Variants in SLC22A16 observed in about 807,000 individuals in gnomAD.
The protein encoded by SLC22A16 is solute carrier family 22 member 16.
Under a neutral mutation model 52.9 loss-of-function variants are expected in SLC22A16, and 53 were observed. The ratio of observed to expected loss-of-function variants is 1.00; its 90% CI spans 0.80 to 1.26. The LOEUF (loss-of-function observed/expected upper bound fraction) is 1.26, where lower values mean the gene tolerates loss of function less well. Ranked by LOEUF, SLC22A16 falls within the 50% of genes most tolerant of loss-of-function variation. The pLI, the probability that SLC22A16 is intolerant of heterozygous loss-of-function variation, is 0.00. For missense variants in SLC22A16, 726 were observed against 704.0 expected, an observed-to-expected ratio of 1.03 and a Z score of -0.35; for synonymous variants, 291 against 268.8, an observed-to-expected ratio of 1.08 and a Z score of -0.81.
chr6:110,426,340 G>A (rs1202236883), intron 7 of SLC22A16, among the ~76,000 whole-genome samples: 1 of 152,092 alleles, frequency 6.6e-6, no homozygotes, highest in Non-Finnish European at 1.5e-5. Flanking sequence ...GAACAGAATG[G>A]AATTTTTCTT....
chr6:110,457,076 G>A, intron 1 of SLC22A16, 59 bp from the exon 2 acceptor site: 1 of 1,476,784 alleles, frequency 6.8e-7, no homozygotes, highest in South Asian at 1.5e-5. Context: ...AAGAACATAA[G>A]CAAATTTGAA....
In SLC22A16 at chr6:110,446,982, C is replaced by T. The variant is rs760117180; in HGVS notation, c.542G>A (p.Arg181His). Residue 181 changes from arginine to histidine, a missense_variant, in exon 3 of 8, where the codon CGC (arginine) becomes CAC (histidine). By Grantham distance (29) the Arg-to-His change is conservative (BLOSUM62 0). Coordinates refer to ENST00000368919, the MANE Select transcript of SLC22A16 (RefSeq NM_033125.4). ...GCTTGTGGCCCACAAGACCACCCGG[C>T]GTCCTAGCCTGAAAAATAAGAGTCA... ...TFGYFSDRLGRRVVLWATSSS... is the reference protein window; with the variant it reads ...TFGYFSDRLGHRVVLWATSSS... The T allele has an allele frequency of 1.7e-5, 27 of 1,611,914 alleles. No homozygotes were observed. In the East Asian group the frequency reaches 1.8e-4, roughly 11 times the overall value.
intron 1 of SLC22A16, among the ~76,000 whole-genome samples, chr6:110,466,705 A>G (rs1776074814): frequency 6.6e-6 from 1 of 152,174 alleles, no homozygotes; most frequent in African/African-American, 2.4e-5. Flanking sequence ...CCCCTATGGA[A>G]AACATTATCA....
At position 110,425,031 on chromosome 6, in the gene SLC22A16, C is replaced by G. The variant is rs764713995; in HGVS notation, c.1576G>C (p.Glu526Gln). The G allele has an allele frequency of 1.4e-5, 22 of 1,614,026 alleles. No homozygotes were observed. Among genetic ancestry groups the G allele is most frequent in the Non-Finnish European group, 1.8e-5 (21 of 1,180,042 alleles). The change falls in exon 8 of 8, where the codon GAA becomes CAA. Residue 526 changes from glutamate (E) to glutamine (Q), a missense_variant. By Grantham distance (29) the Glu-to-Gln change is conservative. Transcript: ENST00000368919. The part of the protein sequence containing the change: ...LSGVLTLKLP[E>Q]TLGKRLATTW... ...GTTGCTAGCCGTTTCCCAAGGGTTT[C>G]TGGAAGCTTTAGTGTTAACACTCCA...
chr6:110,474,899 A>C, intron 1 of SLC22A16: 1 of 517,922 alleles, frequency 1.9e-6, no homozygotes, highest in Non-Finnish European at 3.9e-6. Flanking sequence ...TCCCTAAAAA[A>C]CACAGGGGAA....
chr6:110,476,389 G>T, intron 1 of SLC22A16, 133 bp downstream of exon 1: 1 of 1,378,580 alleles, frequency 7.3e-7, no homozygotes, highest in South Asian at 1.7e-5. Context: ...CCCGTGTCCC[G>T]ACTGCGCGGG....
intron 1 of SLC22A16, among the ~76,000 whole-genome samples, chr6:110,460,436 G>C (rs1775825000): frequency 6.6e-6 from 1 of 152,214 alleles, no homozygotes; most frequent in Admixed American, 6.5e-5. Context: ...GAATCTGGCA[G>C]AGACTGGCCC....
intron 7 of SLC22A16, among the ~76,000 whole-genome samples, chr6:110,430,503 G>T (rs549169270): frequency 5.3e-5 from 8 of 152,160 alleles, no homozygotes; most frequent in African/African-American, 1.7e-4. Context: ...AGAGGGAGGA[G>T]CTGCAGGCTG....
intron 7 of SLC22A16, among the ~76,000 whole-genome samples, chr6:110,427,704 T>G (rs1396998284): frequency 6.6e-6 from 1 of 152,218 alleles, no homozygotes; most frequent in East Asian, 1.9e-4. Flanking sequence ...GTCGCCATAT[T>G]GGCCAGGCTG....
intron 2 of SLC22A16, among the ~76,000 whole-genome samples, chr6:110,449,776 C>G (rs1348609643): frequency 6.6e-6 from 1 of 152,200 alleles, no homozygotes; most frequent in Non-Finnish European, 1.5e-5. Context: ...CCCGCTTTCA[C>G]TCAAGTCTTC....
chr6:110,473,615 C>A, intron 1 of SLC22A16, among the ~76,000 whole-genome samples: 1 of 141,102 alleles, frequency 7.1e-6, no homozygotes, highest in African/African-American at 2.6e-5. Flanking sequence ...AGCTCTGCCT[C>A]CTGGGTTCAC....
At chr6:110,436,159 GA>G (rs1774720723) in intron 5 of SLC22A16, among the ~76,000 whole-genome samples, 198 bp from the exon 6 acceptor site, 1 of 152,168 alleles carries the variant, frequency 6.6e-6, no homozygotes, top group African/African-American at 2.4e-5. Context: ...AAATGTGGAG[GA>G]AAGTTTCAGT....
chr6:110,447,261 G>T (rs1277565482), intron 2 of SLC22A16, among the ~76,000 whole-genome samples: 2 of 152,044 alleles, frequency 1.3e-5, no homozygotes, highest in East Asian at 3.9e-4. Context: ...CTGGGATTGG[G>T]GGAAGAGAGG....
At position 110,425,188 on chromosome 6, in the gene SLC22A16, T is replaced by G. The variant is rs1367243104; in HGVS notation, c.1522-103A>C. On this transcript the variant is annotated intron_variant, in intron 7 of 7. Transcript: ENST00000368919. ...GTTTTCAGAGGGTAATGGATTTGAA[T>G]TTGACATAACAGTTGTCACTGTGAT... 29 of 1,540,280 alleles carry G rather than the reference T, an allele frequency of 1.9e-5. No individual in the cohort carries two copies. The East Asian group carries it at 6.9e-4, about 36-fold the overall frequency.
intron 2 of SLC22A16, among the ~76,000 whole-genome samples, chr6:110,454,743 T>C (rs1219375206): frequency 1.4e-5 from 1 of 73,404 alleles, no homozygotes; most frequent in Non-Finnish European, 2.4e-5. Context: ...ACATATAATA[T>C]ATATATTATT....
At chr6:110,443,245 A>C (rs1013092846) in intron 3 of SLC22A16, among the ~76,000 whole-genome samples, 3 of 152,226 alleles carry the variant, frequency 2.0e-5, no homozygotes, top group Non-Finnish European at 4.4e-5. Flanking sequence ...AGACTTCATG[A>C]AAATTAAAAC....
chr6:110,463,268 C>A (rs1325433708), intron 1 of SLC22A16, among the ~76,000 whole-genome samples: 1 of 151,960 alleles, frequency 6.6e-6, no homozygotes, highest in Non-Finnish European at 1.5e-5. Flanking sequence ...CAAAACCTCA[C>A]ATATCATTAT....
intron 4 of SLC22A16, among the ~76,000 whole-genome samples, chr6:110,440,675 G>C (rs1203624918): frequency 6.6e-6 from 1 of 152,148 alleles, no homozygotes; most frequent in African/African-American, 2.4e-5. Flanking sequence ...TATTCAGGAG[G>C]CTGAAACAGG....
intron 4 of SLC22A16, among the ~76,000 whole-genome samples, 165 bp from the exon 5 acceptor site, chr6:110,439,012 T>C (rs2114924547): frequency 6.6e-6 from 1 of 152,356 alleles, no homozygotes; most frequent in East Asian, 1.9e-4. Flanking sequence ...CCCGCCACTT[T>C]TAAACTCACT....
Sources: allele counts gnomAD v4.1 joint callset (sites outside exome capture counted in the v4.1 genomes callset), GRCh38; gene constraint gnomAD v4.1.1; transcripts MANE v1.5; gene names NCBI Gene and HGNC (gene_info 2026-07-23, HGNC 2026-07-21).